Variants in HHIPL1 observed in about 807,000 individuals in gnomAD.
HHIPL1 encodes the protein HHIP-like protein 1.
Under a neutral mutation model 61.8 loss-of-function variants are expected in HHIPL1, and 43 were observed. That is an observed-to-expected ratio of 0.70 (90% CI 0.55 to 0.90). HHIPL1 has a LOEUF of 0.90. Ranked by LOEUF, HHIPL1 falls within the 40% of genes least tolerant of loss-of-function variation. The pLI is 0.00. For missense variants in HHIPL1, 1,056 were observed against 1,157.7 expected (o/e 0.91, Z 1.28); for synonymous variants, 482 against 515.8 (o/e 0.93, Z 0.89).
At chr14:99,667,138 C>T (rs571932492) in intron 6 of HHIPL1, among the ~76,000 whole-genome samples, 1 of 152,024 alleles carries the variant, frequency 6.6e-6, no homozygotes, top group South Asian at 2.1e-4. Flanking sequence ...TTTACAAGGA[C>T]AGAGGTATTA....
At position 99,677,845 on chromosome 14, in the gene HHIPL1, C is replaced by T. The variant is rs1403938633; in HGVS notation, c.*2219C>T. 1 of 152,408 alleles carries T rather than the reference C, an allele frequency of 6.6e-6. No individual in the cohort carries two copies. The highest frequency in any genetic ancestry group is 1.5e-5 in the Non-Finnish European group (1 of 68,108). The allele number at this position is 152,408 out of a possible 1,614,324, so 9.4% of individuals were successfully genotyped here. On this transcript the variant is annotated 3_prime_UTR_variant, in exon 9 of 9. Transcript: ENST00000330710. The surrounding 1 kb of genome is among the most constrained non-coding windows in gnomAD (Gnocchi z 4.3). ...GGCCTTCAGTCTTCCAGGCCAGGCG[C>T]TCTTCCTCCCCAGCCTCCAACTCAT...
At chr14:99,615,645 AAGAGAG>A in the HHIPL1 span, among the ~76,000 whole-genome samples, 152 of 8,464 alleles carry the variant, frequency 0.018, 1 homozygote, top group African/African-American at 0.027. Context: ...GAAAGAAAGG[AAGAGAG>A]AGAGAGAAAG....
the HHIPL1 span, among the ~76,000 whole-genome samples, chr14:99,629,202 A>G: frequency 6.6e-6 from 1 of 152,130 alleles, no homozygotes; most frequent in African/African-American, 2.4e-5. Context: ...CCCACCTTAT[A>G]CCTGTGCACA....
chr14:99,659,849 C>CCA, intron 4 of HHIPL1, 93 bp downstream of exon 4: 2 of 530,260 alleles, frequency 3.8e-6, no homozygotes, highest in East Asian at 4.2e-5. Context: ...AGACCGCACC[C>CCA]CCCCCCCCCC....
At chr14:99,622,855 G>A in the HHIPL1 span, among the ~76,000 whole-genome samples, 1 of 152,262 alleles carries the variant, frequency 6.6e-6, no homozygotes, top group Non-Finnish European at 1.5e-5. Flanking sequence ...AAGGGTGCTA[G>A]TGAGGATCAC....
chr14:99,652,400 G>T lies in HHIPL1; in HGVS notation c.432G>T (p.Arg144Ser). 3.1e-6 allele frequency: 5 copies of T among 1,614,214 alleles called. No individual in the cohort carries two copies. Among genetic ancestry groups the T allele is most frequent in the South Asian group, 1.1e-5 (1 of 91,084 alleles). The change falls in exon 2 of 9, where the codon AGG becomes AGT. Residue 144 changes from arginine to serine, a missense_variant. Coordinates refer to ENST00000330710, the MANE Select transcript of HHIPL1 (RefSeq NM_001127258.3). ...GGGCGCTGGAGGGCAACCTTGCCAG[G>T]TTCTGCCGCTACCTGTCCCTGGATG... is the stretch of plus-strand genomic sequence containing the variant. ...ELWALEGNLA[R>S]FCRYLSLDDT... is the part of the protein sequence containing the mutation.
At chr14:99,637,248 GAAAGAAAGAAAGAA>G in the HHIPL1 span, among the ~76,000 whole-genome samples, 1 of 146,644 alleles carries the variant, frequency 6.8e-6, no homozygotes, top group African/African-American at 2.6e-5. Flanking sequence ...AAGAAAGAAA[GAAAGAAAGAAAGAA>G]AGAAAAAGTG....
the HHIPL1 span, among the ~76,000 whole-genome samples, chr14:99,631,800 C>T: frequency 2.6e-5 from 4 of 152,218 alleles, no homozygotes; most frequent in Non-Finnish European, 4.4e-5. Context: ...TGCCCTATCC[C>T]GCCCTCAACT....
the HHIPL1 span, among the ~76,000 whole-genome samples, chr14:99,606,453 G>A: frequency 6.6e-6 from 1 of 152,178 alleles, no homozygotes; most frequent in South Asian, 2.1e-4. Flanking sequence ...AAGCGTAAAC[G>A]TTGGATACAC....
Position 99,657,068 on chromosome 14 carries a change from G to C in HHIPL1, c.971G>C (p.Gly324Ala), listed in dbSNP as rs761913979. ...GGCCAGCTGCTTTTCGGGGATGACG[G>C]GTACCTCTACATCTTCACTGGAGAT... Reference protein sequence around the residue: ...NGGQLLFGDDGYLYIFTGDGG... With the variant: ...NGGQLLFGDDAYLYIFTGDGG... The change falls in exon 3 of 9, where the codon GGG becomes GCG. Residue 324 changes from glycine to alanine, a missense_variant. Gly to Ala is a moderately conservative substitution (Grantham distance 60). Transcript: ENST00000330710. 1 of 1,613,614 alleles carries C rather than the reference G, an allele frequency of 6.2e-7. No individual in the cohort carries two copies. The highest frequency in any genetic ancestry group is 8.5e-7 in the Non-Finnish European group (1 of 1,179,820).
At chr14:99,643,520 G>A (rs2140045199), upstream of HHIPL1, among the ~76,000 whole-genome samples, 1 of 152,312 alleles carries the variant, frequency 6.6e-6, no homozygotes, top group East Asian at 1.9e-4. Context: ...AAACCTCATG[G>A]CTGTGGCCCA....
the HHIPL1 span, among the ~76,000 whole-genome samples, chr14:99,621,226 G>A: frequency 6.6e-6 from 1 of 152,164 alleles, no homozygotes; most frequent in Non-Finnish European, 1.5e-5. Context: ...AGCCTCTCAA[G>A]TAGCTGGGGC....
the HHIPL1 span, among the ~76,000 whole-genome samples, chr14:99,637,301 C>T: frequency 6.6e-6 from 1 of 151,906 alleles, no homozygotes; most frequent in Non-Finnish European, 1.5e-5. Context: ...GTGGCTCATG[C>T]CTGTAATCCT....
At chr14:99,656,061 G>T (rs2056022200) in intron 2 of HHIPL1, among the ~76,000 whole-genome samples, 1 of 152,234 alleles carries the variant, frequency 6.6e-6, no homozygotes, top group South Asian at 2.1e-4. Flanking sequence ...GGCAGTAAGG[G>T]AGGTTCCTGA....
chr14:99,629,007 G>A, the HHIPL1 span, among the ~76,000 whole-genome samples: 2 of 152,206 alleles, frequency 1.3e-5, no homozygotes, highest in African/African-American at 4.8e-5. Flanking sequence ...CAGCAAGACC[G>A]GCGGCACCAA....
chr14:99,609,234 G>A, the HHIPL1 span, among the ~76,000 whole-genome samples: 9 of 152,142 alleles, frequency 5.9e-5, no homozygotes, highest in South Asian at 2.1e-4. Context: ...GGTGACCCTA[G>A]ACCAGTCCCT....
At chr14:99,638,680 G>A in the HHIPL1 span, among the ~76,000 whole-genome samples, 2 of 152,200 alleles carry the variant, frequency 1.3e-5, no homozygotes, top group Non-Finnish European at 1.5e-5. Flanking sequence ...CCTTAATGGG[G>A]AATTTGAAGC....
chr14:99,616,321 T>C, the HHIPL1 span, among the ~76,000 whole-genome samples: 1 of 152,220 alleles, frequency 6.6e-6, no homozygotes, highest in African/African-American at 2.4e-5. Flanking sequence ...CAGCAACTAA[T>C]GACACATTTC....
At chr14:99,638,885 A>G in the HHIPL1 span, among the ~76,000 whole-genome samples, 1 of 152,180 alleles carries the variant, frequency 6.6e-6, no homozygotes, top group South Asian at 2.1e-4. Flanking sequence ...ACCGCCACAC[A>G]AGCACCTCTG....
Sources: allele counts gnomAD v4.1 joint callset (sites outside exome capture counted in the v4.1 genomes callset), GRCh38; gene constraint gnomAD v4.1.1; non-coding constraint Gnocchi (gnomAD v3.1); transcripts MANE v1.5; gene names NCBI Gene and HGNC (gene_info 2026-07-23, HGNC 2026-07-21).